Variants in SLC25A36 observed in about 807,000 individuals in gnomAD.
The protein encoded by SLC25A36 is solute carrier family 25 member 36, also known as epididymis secretory sperm binding protein.
SLC25A36 carries 24 observed loss-of-function variants against 35.3 expected under a neutral mutation model. That is an observed-to-expected ratio of 0.68 (90% confidence interval 0.49 to 0.96). The LOEUF is 0.96. Ranked by LOEUF, SLC25A36 falls within the 40% of genes least tolerant of loss-of-function variation. The pLI, the probability that SLC25A36 is intolerant of heterozygous loss-of-function variation, is 0.00. For missense variants in SLC25A36, 294 were observed against 381.1 expected (o/e 0.77, Z 1.90); for synonymous variants, 141 against 132.2 (o/e 1.07, Z -0.46).
At position 140,961,583 on chromosome 3, in the gene SLC25A36, G is replaced by C. The variant is rs529004477; in HGVS notation, c.285-1544G>C. Among the ~76,000 whole-genome samples, 4 of 152,080 alleles carry C rather than the reference G, an allele frequency of 2.6e-5. No homozygotes were observed. The East Asian group carries it at 5.8e-4, about 22-fold the overall frequency. On this transcript the variant is annotated intron_variant, in intron 3 of 6. Transcript: ENST00000324194. ...AAGACTAGTGAATATTGACCGGGCA[G>C]AGTGGCTCACACCTGTAATCCCAGC...
intron 6 of SLC25A36, among the ~76,000 whole-genome samples, chr3:140,974,941 A>C (rs1181270020): frequency 6.6e-6 from 1 of 152,078 alleles, no homozygotes; most frequent in African/African-American, 2.4e-5. Context: ...ATAGGACAGT[A>C]TCAGCAATAT....
chr3:140,952,376 CCT>C (rs1412340078), intron 1 of SLC25A36, among the ~76,000 whole-genome samples: 1 of 152,048 alleles, frequency 6.6e-6, no homozygotes, highest in Non-Finnish European at 1.5e-5. Context: ...GTTTCAAACT[CCT>C]GGACTCAAGT....
In SLC25A36 at chr3:140,948,758, C is replaced by CT. The variant is rs1361837732; in HGVS notation, c.41+6664dup. Among the ~76,000 whole-genome samples, 3 of 152,320 alleles carry CT rather than the reference C, an allele frequency of 2.0e-5. No individual in the cohort carries two copies. In the East Asian group the frequency reaches 5.8e-4, roughly 29 times the overall value. On this transcript the variant is annotated intron_variant, in intron 1 of 6. Coordinates refer to ENST00000324194, the MANE Select transcript of SLC25A36 (RefSeq NM_001104647.3). ...AGAGGTTAATATTGAGGACATATAT[C>CT]TAACAGTGCCTTGGATTTTTTCCAG...
chr3:140,975,543 A>G (rs1197162215), intron 6 of SLC25A36, among the ~76,000 whole-genome samples: 1 of 152,134 alleles, frequency 6.6e-6, no homozygotes, highest in Non-Finnish European at 1.5e-5. Flanking sequence ...AAAAAATTTG[A>G]GGAATAGTGG....
intron 1 of SLC25A36, among the ~76,000 whole-genome samples, chr3:140,956,194 A>G (rs1470991626): frequency 6.6e-6 from 1 of 152,230 alleles, no homozygotes; most frequent in Non-Finnish European, 1.5e-5. Flanking sequence ...TTATATATAT[A>G]CATGAGTACT....
At chr3:140,964,766 A>T (rs528356206) in intron 4 of SLC25A36, 1 of 152,038 alleles carries the variant, frequency 6.6e-6, no homozygotes, top group African/African-American at 2.4e-5. Context: ...CAGTCATTTT[A>T]TATTGATATT....
intron 4 of SLC25A36, chr3:140,964,785 C>T (rs140440552): frequency 2.7e-4 from 41 of 151,860 alleles, no homozygotes; most frequent in African/African-American, 9.6e-4. Flanking sequence ...TTTGTTATAT[C>T]AGTATAGCAA....
intron 1 of SLC25A36, among the ~76,000 whole-genome samples, chr3:140,945,294 C>T: frequency 6.6e-6 from 1 of 152,156 alleles, no homozygotes; most frequent in Non-Finnish European, 1.5e-5. Flanking sequence ...ATACTATCAC[C>T]TTGGGATGTG....
At chr3:140,975,349 C>T (rs145164106) in intron 6 of SLC25A36, among the ~76,000 whole-genome samples, 29 of 152,052 alleles carry the variant, frequency 1.9e-4, no homozygotes, top group Non-Finnish European at 7.4e-5. Flanking sequence ...TCAAGCGATT[C>T]TCCCACCTCG....
chr3:140,947,933 G>T (rs1486818297), intron 1 of SLC25A36, among the ~76,000 whole-genome samples: 1 of 151,844 alleles, frequency 6.6e-6, no homozygotes, highest in African/African-American at 2.4e-5. Context: ...GAATTTCAGG[G>T]AGAGTCTACG....
rs1422315030 is a variant in SLC25A36 at position 140,979,989 on chromosome 3, C to T, written c.*3536C>T. 5 of 152,100 alleles carry T rather than the reference C, an allele frequency of 3.3e-5. No individual in the cohort carries two copies. Among genetic ancestry groups the T allele is most frequent in the African/African-American group, 1.2e-4 (5 of 41,404 alleles). The allele number at this position is 152,100 out of a possible 1,614,324, so 9.4% of individuals were successfully genotyped here. A position where few individuals can be genotyped will look rare whatever the true frequency, so the allele number is the denominator to read the frequency against. ...ACATTTTATTGAGAACATAATCACA[C>T]TTTTTTGGATTATCCTATGTGTGGA... On this transcript the variant is annotated 3_prime_UTR_variant, in exon 7 of 7. Transcript: ENST00000324194.
intron 1 of SLC25A36, among the ~76,000 whole-genome samples, chr3:140,953,795 AAAAAATTTT>A (rs1323691920): frequency 1.3e-5 from 2 of 152,080 alleles, no homozygotes; most frequent in African/African-American, 4.8e-5. Context: ...TGTCTCAACA[AAAAAATTTT>A]AAAAAATTTA....
chr3:140,976,049 CTA>C (rs1205348017), intron 6 of SLC25A36, among the ~76,000 whole-genome samples: 1 of 152,108 alleles, frequency 6.6e-6, no homozygotes, highest in Non-Finnish European at 1.5e-5. Context: ...CATTCAAAGA[CTA>C]TAAAGTCTAT....
chr3:140,979,888 GACTTTT>G lies in SLC25A36; in HGVS notation c.*3440_*3445del, dbSNP rs1313056145. The G allele has an allele frequency of 3.3e-5, 5 of 152,108 alleles. No individual in the cohort carries two copies. Among genetic ancestry groups the G allele is most frequent in the Non-Finnish European group, 7.4e-5 (5 of 68,022 alleles). The allele number at this position is 152,108 out of a possible 1,614,324, so 9.4% of individuals were successfully genotyped here. On this transcript the variant is annotated 3_prime_UTR_variant, in exon 7 of 7. Transcript: ENST00000324194. ...TACTCTGTATTTATGTTATCTAGCT[GACTTTT>G]ACTTGAATTGTTCAAATTTTAAAAA...
intron 3 of SLC25A36, among the ~76,000 whole-genome samples, chr3:140,962,073 T>C (rs980053707): frequency 6.6e-6 from 1 of 152,078 alleles, no homozygotes; most frequent in African/African-American, 2.4e-5. Context: ...ATTGCCTATA[T>C]ATATTTCATG....
Position 140,959,458 on chromosome 3 carries a change from T to C in SLC25A36, c.207-5T>C. ...TTCTGATAGAATTTTTTTTCTCTCT[T>C]TCAGGGTGATCTTGGAAAAAGAAGG... On this transcript the variant is annotated splice_polypyrimidine_tract_variant and splice_region_variant and intron_variant, in intron 2 of 6. Coordinates refer to ENST00000324194, the MANE Select transcript of SLC25A36 (RefSeq NM_001104647.3). The C allele has an allele frequency of 6.7e-7, 1 of 1,495,994 alleles. No individual in the cohort carries two copies. Among genetic ancestry groups the C allele is most frequent in the Non-Finnish European group, 8.9e-7 (1 of 1,122,004 alleles). 92.7% of individuals were successfully genotyped at this position (1,495,994 alleles called of 1,614,324 possible).
rs1341207395 is a variant in SLC25A36 at position 140,979,645 on chromosome 3, C to G, written c.*3192C>G. ...CATGTACTTAGTATTTCCCATTAAC[C>G]TACACACTGATTTTTATGCTACTCC... On this transcript the variant is annotated 3_prime_UTR_variant, in exon 7 of 7. Coordinates refer to ENST00000324194, the MANE Select transcript of SLC25A36 (RefSeq NM_001104647.3). 6.6e-6 allele frequency: 1 copy of G among 152,140 alleles called. No homozygotes were observed. Among genetic ancestry groups the G allele is most frequent in the African/African-American group, 2.4e-5 (1 of 41,448 alleles). The allele number at this position is 152,140 out of a possible 1,614,324, so 9.4% of individuals were successfully genotyped here. A position where few individuals can be genotyped will look rare whatever the true frequency, so the allele number is the denominator to read the frequency against.
chr3:140,976,509 A>G lies in SLC25A36; in HGVS notation c.*56A>G, dbSNP rs1935051596. 2 of 1,458,790 alleles carry G rather than the reference A, an allele frequency of 1.4e-6. No homozygotes were observed. The highest frequency in any genetic ancestry group is 1.4e-5 in the South Asian group (1 of 72,654). 90.4% of individuals were successfully genotyped at this position (1,458,790 alleles called of 1,614,324 possible). A position where few individuals can be genotyped will look rare whatever the true frequency, so the allele number is the denominator to read the frequency against. ...GAAGACCAAAAGATTACAGTGGACC[A>G]TGGGATACAGAAGCCAGCATGGCAG... On this transcript the variant is annotated 3_prime_UTR_variant, in exon 7 of 7. Coordinates refer to ENST00000324194, the MANE Select transcript of SLC25A36 (RefSeq NM_001104647.3).
rs1239544729 is a variant in SLC25A36, at chr3:140,977,743, TC to T, written c.*1291del. 2 of 152,178 alleles carry T rather than the reference TC, an allele frequency of 1.3e-5. No individual in the cohort carries two copies. Among genetic ancestry groups the T allele is most frequent in the Non-Finnish European group, 2.9e-5 (2 of 68,032 alleles). The allele number at this position is 152,178 out of a possible 1,614,324, so 9.4% of individuals were successfully genotyped here. On this transcript the variant is annotated 3_prime_UTR_variant, in exon 7 of 7. Transcript: ENST00000324194. ...TTTGCTGTAATTCTGTTAAAAGACT[TC>T]GCCTATGCCATACTGGTGTATAAAA...
Sources: gnomAD v4.1 joint callset for allele counts (sites outside exome capture counted in the v4.1 genomes callset) on GRCh38, gnomAD v4.1.1 for gene constraint, MANE v1.5 for transcripts, NCBI Gene and HGNC (gene_info 2026-07-23, HGNC 2026-07-21) for gene names.